Variants in CEP112 observed in about 807,000 individuals in gnomAD.
CEP112 encodes centrosomal protein of 112 kDa.
Under a neutral mutation model 153.0 loss-of-function variants are expected in CEP112, and 127 were observed. That is an observed-to-expected ratio of 0.83 (90% CI 0.72 to 0.96). The LOEUF (loss-of-function observed/expected upper bound fraction) is 0.96, where lower values mean the gene tolerates loss of function less well. Ranked by LOEUF, CEP112 falls within the 40% of genes least tolerant of loss-of-function variation. The pLI, the probability that CEP112 is intolerant of heterozygous loss-of-function variation, is 0.00. For synonymous variants in CEP112, 358 were observed against 374.4 expected, an observed-to-expected ratio of 0.96 and a Z score of 0.51; for missense variants, 1,089 against 1,101.2, an observed-to-expected ratio of 0.99 and a Z score of 0.16.
chr17:65,774,222 A>G (rs1414683745), intron 21 of CEP112, among the ~76,000 whole-genome samples: 1 of 152,090 alleles, frequency 6.6e-6, no homozygotes, highest in Non-Finnish European at 1.5e-5. Context: ...GAAAAGAGGG[A>G]TGGGGCATAA....
At chr17:65,949,976 T>A (rs951606059) in intron 18 of CEP112, among the ~76,000 whole-genome samples, 1 of 152,172 alleles carries the variant, frequency 6.6e-6, no homozygotes, top group African/African-American at 2.4e-5. Flanking sequence ...TCCTCATTAA[T>A]AAATAACATC....
At position 65,851,891 on chromosome 17, in the gene CEP112, G is replaced by A. The variant is rs763469247; in HGVS notation, c.2307C>T (p.Val769=). 15 of 1,613,862 alleles carry A rather than the reference G, an allele frequency of 9.3e-6. No individual in the cohort carries two copies. The East Asian group carries it at 1.3e-4, about 14-fold the overall frequency. Residue 769 remains valine, a synonymous_variant, in exon 21 of 27, where the codon GTC becomes GTT. Coordinates refer to ENST00000535342, the MANE Select transcript of CEP112 (RefSeq NM_001199165.4). ...CTGATTCAGCCTTCAGTTTATTGAC[G>A]ACAATCTCATGTTCCCTTGTAGCCC... The part of the protein sequence containing the change: ...KQRATREHEI[V]VNKLKAESEK...
chr17:65,896,402 A>T (rs1287019216), intron 20 of CEP112, among the ~76,000 whole-genome samples: 3 of 152,090 alleles, frequency 2.0e-5, no homozygotes, highest in Non-Finnish European at 4.4e-5. Flanking sequence ...CAATTACAGA[A>T]CTTTAGAATT....
chr17:66,084,458 A>C (rs1393705165), intron 8 of CEP112, among the ~76,000 whole-genome samples: 1 of 152,258 alleles, frequency 6.6e-6, no homozygotes, highest in Admixed American at 6.5e-5. Context: ...GTACACATAC[A>C]CAATGGAGTA....
chr17:66,020,652 CT>C (rs1393974485), intron 16 of CEP112, among the ~76,000 whole-genome samples: 1 of 151,978 alleles, frequency 6.6e-6, no homozygotes, highest in Non-Finnish European at 1.5e-5. Flanking sequence ...TTTTCATTTT[CT>C]ATTATTTTTG....
chr17:65,670,348 A>G (rs1325026884), intron 24 of CEP112, among the ~76,000 whole-genome samples: 1 of 151,400 alleles, frequency 6.6e-6, no homozygotes, highest in Non-Finnish European at 1.5e-5. Flanking sequence ...GTATATTTTT[A>G]TAACTCAGTT....
At chr17:66,148,813 C>T (rs2071035675) in intron 4 of CEP112, among the ~76,000 whole-genome samples, 1 of 152,096 alleles carries the variant, frequency 6.6e-6, no homozygotes, top group East Asian at 1.9e-4. Flanking sequence ...AATTTTCCTT[C>T]TTCCTTTTCA....
intron 17 of CEP112, among the ~76,000 whole-genome samples, chr17:65,969,082 ATTT>A (rs199636922): frequency 0.42 from 58,821 of 141,276 alleles, 13,170 homozygotes; most frequent in East Asian, 0.85. Context: ...GTGTGTGTGG[ATTT>A]TTTTTTTTTT....
intron 10 of CEP112, among the ~76,000 whole-genome samples, chr17:66,065,145 T>C (rs906069019): frequency 1.3e-5 from 2 of 152,192 alleles, no homozygotes; most frequent in East Asian, 1.9e-4. Context: ...ACTTCTTCTT[T>C]TCTTCGGTTC....
intron 3 of CEP112, 23 bp downstream of exon 3, chr17:66,176,807 A>T: frequency 6.4e-7 from 1 of 1,563,758 alleles, no homozygotes; most frequent in Non-Finnish European, 8.7e-7. Context: ...ACTAATATAT[A>T]CCTTTTGTTC....
intron 2 of CEP112, among the ~76,000 whole-genome samples, chr17:66,177,511 A>G (rs559847474): frequency 1.3e-5 from 2 of 152,232 alleles, no homozygotes; most frequent in South Asian, 2.1e-4. Flanking sequence ...CATGTAATGT[A>G]TAATAGTCGC....
chr17:66,153,324 A>G (rs1170915475), intron 4 of CEP112, among the ~76,000 whole-genome samples: 2 of 152,170 alleles, frequency 1.3e-5, no homozygotes. Flanking sequence ...AAAATGTGGT[A>G]TACTCATCAA....
At chr17:66,174,208 G>T (rs1017972828) in intron 4 of CEP112, among the ~76,000 whole-genome samples, 1 of 152,146 alleles carries the variant, frequency 6.6e-6, no homozygotes, top group African/African-American at 2.4e-5. Context: ...GATGACAGGC[G>T]TGAGCCACCA....
chr17:66,051,863 G>T (rs146093584), intron 12 of CEP112, among the ~76,000 whole-genome samples: 592 of 140,446 alleles, frequency 4.2e-3, no homozygotes, highest in Non-Finnish European at 6.4e-3. Flanking sequence ...CTTAAAATGA[G>T]ATCATGTCCC....
intron 6 of CEP112, among the ~76,000 whole-genome samples, chr17:66,098,496 C>G (rs544619709): frequency 6.6e-6 from 1 of 152,106 alleles, no homozygotes; most frequent in Admixed American, 6.5e-5. Flanking sequence ...CCCAATTTGA[C>G]AATAAAGATA....
At chr17:65,747,949 CAG>C (rs2051576782) in intron 22 of CEP112, among the ~76,000 whole-genome samples, 1 of 152,068 alleles carries the variant, frequency 6.6e-6, no homozygotes, top group South Asian at 2.1e-4. Context: ...TTCTTTTTTT[CAG>C]AGAGGGATTT....
chr17:65,746,971 G>A (rs1350317746), intron 22 of CEP112, among the ~76,000 whole-genome samples: 2 of 151,982 alleles, frequency 1.3e-5, no homozygotes, highest in African/African-American at 4.8e-5. Context: ...GCTATTTTGA[G>A]CTGATGGTGT....
chr17:66,094,871 G>A (rs1004267012), intron 8 of CEP112, among the ~76,000 whole-genome samples: 6 of 151,980 alleles, frequency 3.9e-5, no homozygotes, highest in Admixed American at 2.0e-4. Flanking sequence ...AAGAAGACAC[G>A]CAAATAGCCA....
At chr17:66,090,619 C>A (rs1249779602) in intron 8 of CEP112, among the ~76,000 whole-genome samples, 3 of 151,984 alleles carry the variant, frequency 2.0e-5, no homozygotes, top group Non-Finnish European at 4.4e-5. Flanking sequence ...AGAAAGATAA[C>A]AAGACGGAAA....
Sources: gnomAD v4.1 joint callset for allele counts (sites outside exome capture counted in the v4.1 genomes callset) on GRCh38, gnomAD v4.1.1 for gene constraint, MANE v1.5 for transcripts, NCBI Gene and HGNC (gene_info 2026-07-23, HGNC 2026-07-21) for gene names.